The following RIMS2 variants were observed in gnomAD, a reference collection of about 807,000 sequenced individuals.
RIMS2 encodes the protein regulating synaptic membrane exocytosis 2.
RIMS2 carries 59 observed loss-of-function variants against 174.4 expected under a neutral mutation model. The ratio of observed to expected loss-of-function variants is 0.34; its 90% CI spans 0.27 to 0.42. The LOEUF (loss-of-function observed/expected upper bound fraction) is 0.42. Among genes scored for constraint, RIMS2 ranks in the 10% least tolerant of loss-of-function variants. The pLI, the probability that RIMS2 is intolerant of heterozygous loss-of-function variation, is 1.00. For missense variants in RIMS2, 1,620 were observed against 1,666.3 expected (o/e 0.97, Z 0.48); for synonymous variants, 606 against 572.5 (o/e 1.06, Z -0.84).
At chr8:104,214,595 C>T (rs2099121427) in intron 19 of RIMS2, among the ~76,000 whole-genome samples, 1 of 151,824 alleles carries the variant, frequency 6.6e-6, no homozygotes, top group Admixed American at 6.6e-5. Flanking sequence ...TTACAGTTGC[C>T]CACCACCACA....
At chr8:103,749,003 TAGTC>T (rs1006764362) in intron 2 of RIMS2, among the ~76,000 whole-genome samples, 1 of 152,080 alleles carries the variant, frequency 6.6e-6, no homozygotes, top group African/African-American at 2.4e-5. Flanking sequence ...TTTCTCATGT[TAGTC>T]AGGCTGGTCT....
In RIMS2 at chr8:103,659,830, G is replaced by A. The variant is rs146798780; in HGVS notation, c.177-37256G>A. On this transcript the variant is annotated intron_variant, in intron 1 of 23. Transcript: ENST00000504942. Reference sequence around the variant, plus strand: ...GGAGCGTTTCACTGAGATTGGCAGTGGCACTTCCAAAAAATCAACAAGTTG... The same window carrying A: ...GGAGCGTTTCACTGAGATTGGCAGTAGCACTTCCAAAAAATCAACAAGTTG... Among the ~76,000 whole-genome samples the A allele has an allele frequency of 6.1e-3, 922 of 152,306 alleles. 11 individuals carry two copies. The highest frequency in any genetic ancestry group is 0.021 in the African/African-American group (874 of 41,576).
intron 1 of RIMS2, among the ~76,000 whole-genome samples, chr8:103,518,354 GAT>G (rs1830019279): frequency 6.6e-6 from 1 of 151,816 alleles, no homozygotes; most frequent in Non-Finnish European, 1.5e-5. Flanking sequence ...TAACACTAAC[GAT>G]AGCTGATGAG....
At chr8:103,940,487 A>G (rs2154537617) in intron 13 of RIMS2, among the ~76,000 whole-genome samples, 2 of 152,276 alleles carry the variant, frequency 1.3e-5, no homozygotes, top group East Asian at 3.9e-4. Context: ...GAACACAACC[A>G]AACTATATCA....
At chr8:104,193,365 A>G (rs1331738043) in intron 19 of RIMS2, among the ~76,000 whole-genome samples, 1 of 152,082 alleles carries the variant, frequency 6.6e-6, no homozygotes, top group Non-Finnish European at 1.5e-5. Context: ...TGTTCTTCCA[A>G]TGCTGGATGT....
At chr8:103,660,778 G>A (rs1210988567) in intron 1 of RIMS2, among the ~76,000 whole-genome samples, 1 of 152,096 alleles carries the variant, frequency 6.6e-6, no homozygotes, top group East Asian at 1.9e-4. Flanking sequence ...TCAAGGCAGG[G>A]ATAAGTAAAT....
At chr8:103,938,268 G>GA (rs2081723863) in intron 13 of RIMS2, among the ~76,000 whole-genome samples, 1 of 152,102 alleles carries the variant, frequency 6.6e-6, no homozygotes, top group Non-Finnish European at 1.5e-5. Flanking sequence ...AGACTGGGAA[G>GA]AAAAAGGGAT....
intron 3 of RIMS2, among the ~76,000 whole-genome samples, chr8:103,840,811 A>C (rs1305085452): frequency 2.0e-5 from 3 of 152,218 alleles, no homozygotes; most frequent in Non-Finnish European, 4.4e-5. Context: ...TTAATTAAAA[A>C]GCTGGAAAAT....
chr8:103,605,510 C>T (rs2095020186), intron 1 of RIMS2, among the ~76,000 whole-genome samples: 1 of 151,122 alleles, frequency 6.6e-6, no homozygotes, highest in African/African-American at 2.5e-5. Context: ...TGATGCTGGC[C>T]TCATAAAAAG....
At chr8:103,655,050 T>C (rs2096509093) in intron 1 of RIMS2, among the ~76,000 whole-genome samples, 1 of 151,912 alleles carries the variant, frequency 6.6e-6, no homozygotes, top group Admixed American at 6.6e-5. Flanking sequence ...TCATATTCTT[T>C]AGCATAATAG....
At chr8:103,604,175 A>G (rs2094922503) in intron 1 of RIMS2, among the ~76,000 whole-genome samples, 1 of 150,482 alleles carries the variant, frequency 6.6e-6, no homozygotes, top group African/African-American at 2.4e-5. Context: ...TAATTTTTGT[A>G]TAAGGTGTAA....
At chr8:103,918,738 A>C (rs1412315040) in intron 9 of RIMS2, 1 of 398,662 alleles carries the variant, frequency 2.5e-6, no homozygotes, top group Non-Finnish European at 4.6e-6. Context: ...GGTATACTAC[A>C]ATAAACTGCA....
At chr8:104,124,385 A>T (rs1006314492) in intron 19 of RIMS2, among the ~76,000 whole-genome samples, 2 of 152,210 alleles carry the variant, frequency 1.3e-5, no homozygotes, top group Non-Finnish European at 2.9e-5. Flanking sequence ...ACAAAGTGAG[A>T]TTAAAAATAT....
intron 2 of RIMS2, among the ~76,000 whole-genome samples, chr8:103,727,922 G>A (rs1460046224): frequency 2.0e-5 from 3 of 151,206 alleles, no homozygotes; most frequent in African/African-American, 7.3e-5. Flanking sequence ...GCTATTCTGG[G>A]TCTTTTGTGT....
chr8:103,834,682 T>TTCTTTCTTTCTG (rs2098848691), intron 3 of RIMS2, among the ~76,000 whole-genome samples: 1 of 48,228 alleles, frequency 2.1e-5, no homozygotes, highest in African/African-American at 9.9e-5. Context: ...GTCTTTTTCT[T>TTCTTTCTTTCTG]TCTTTCTTTC....
chr8:103,568,897 C>G (rs566225782), intron 1 of RIMS2: 2 of 1,093,490 alleles, frequency 1.8e-6, no homozygotes, highest in Non-Finnish European at 2.8e-6. Context: ...GCAGGAAGAC[C>G]ACATTGCTGC....
intron 19 of RIMS2, among the ~76,000 whole-genome samples, chr8:104,168,308 T>C (rs1273095172): frequency 6.6e-6 from 1 of 152,188 alleles, no homozygotes; most frequent in African/African-American, 2.4e-5. Flanking sequence ...ATGGGTTGTG[T>C]TTCCATTTGT....
chr8:103,992,446 T>G (rs1175060649), intron 17 of RIMS2, among the ~76,000 whole-genome samples: 1 of 151,674 alleles, frequency 6.6e-6, no homozygotes, highest in South Asian at 2.1e-4. Flanking sequence ...TTTGTTTGTT[T>G]GTTTGTTTGT....
At chr8:103,705,992 C>T (rs1309946939) in intron 2 of RIMS2, among the ~76,000 whole-genome samples, 2 of 151,816 alleles carry the variant, frequency 1.3e-5, no homozygotes, top group East Asian at 3.9e-4. Flanking sequence ...TTCTTTCCTA[C>T]TGTCTTCTTT....
Sources: gnomAD v4.1 joint callset for allele counts (sites outside exome capture counted in the v4.1 genomes callset) on GRCh38, gnomAD v4.1.1 for gene constraint, MANE v1.5 for transcripts, NCBI Gene and HGNC (gene_info 2026-07-23, HGNC 2026-07-21) for gene names.